The following RGS7 variants were observed in gnomAD, a reference collection of about 807,000 sequenced individuals.
RGS7 encodes the protein regulator of G protein signaling 7, also known as regulator of G-protein signaling 7.
Under a neutral mutation model 81.1 loss-of-function variants are expected in RGS7, and 27 were observed. The observed-to-expected ratio is 0.33, with a 90% CI of 0.25 to 0.46. RGS7 has a LOEUF of 0.46. Ranked by LOEUF, RGS7 falls within the 20% of genes least tolerant of loss-of-function variation. The probability of loss-of-function intolerance (pLI) is 1.00; values close to 1 mark genes in which losing one functional copy is unlikely to be tolerated. For synonymous variants in RGS7, 208 were observed against 207.7 expected, an observed-to-expected ratio of 1.00 and a Z score of -0.01; for missense variants, 396 against 607.4, an observed-to-expected ratio of 0.65 and a Z score of 3.66.
intron 6 of RGS7, among the ~76,000 whole-genome samples, chr1:240,876,570 T>C (rs1424259188): frequency 6.6e-6 from 1 of 152,160 alleles, no homozygotes; most frequent in Non-Finnish European, 1.5e-5. Flanking sequence ...TAATCCATTC[T>C]GGCAAAAGAA....
chr1:241,005,577 C>T (rs1389132058), intron 3 of RGS7, among the ~76,000 whole-genome samples: 1 of 152,108 alleles, frequency 6.6e-6, no homozygotes, highest in African/African-American at 2.4e-5. Context: ...ACACTGTCGC[C>T]CAGGCTGGAT....
intron 9 of RGS7, among the ~76,000 whole-genome samples, chr1:240,828,287 G>A (rs1693225455): frequency 6.6e-6 from 1 of 152,140 alleles, no homozygotes; most frequent in South Asian, 2.1e-4. Flanking sequence ...ATATTTGGAG[G>A]AGGAGAGGGG....
At chr1:241,122,734 T>C (rs535938192) in intron 2 of RGS7, among the ~76,000 whole-genome samples, 1 of 151,684 alleles carries the variant, frequency 6.6e-6, no homozygotes, top group South Asian at 2.1e-4. Flanking sequence ...ACCTTAACTG[T>C]GCTCAGAGCA....
intron 2 of RGS7, among the ~76,000 whole-genome samples, chr1:241,230,877 G>C (rs2075621530): frequency 6.6e-6 from 1 of 152,206 alleles, no homozygotes; most frequent in South Asian, 2.1e-4. Context: ...AAGAAGGAGA[G>C]AGCAAATTTG....
At chr1:241,083,729 T>C (rs572238154) in intron 3 of RGS7, among the ~76,000 whole-genome samples, 1 of 152,242 alleles carries the variant, frequency 6.6e-6, no homozygotes, top group Non-Finnish European at 1.5e-5. Context: ...TTGTACATTA[T>C]CTGTTTGTAT....
At chr1:241,064,074 G>A (rs367756534) in intron 3 of RGS7, among the ~76,000 whole-genome samples, 114 of 151,388 alleles carry the variant, frequency 7.5e-4, no homozygotes, top group African/African-American at 2.6e-3. Flanking sequence ...TCCCAGCTAC[G>A]AGGGAGGCTG....
intron 4 of RGS7, among the ~76,000 whole-genome samples, chr1:240,953,873 A>G (rs1422763976): frequency 6.6e-6 from 1 of 152,072 alleles, no homozygotes; most frequent in East Asian, 1.9e-4. Context: ...AACCGTGTGA[A>G]AAAGAAAGAA....
At chr1:240,782,872 ATG>A (rs375474283) in intron 18 of RGS7, among the ~76,000 whole-genome samples, 3 of 152,356 alleles carry the variant, frequency 2.0e-5, no homozygotes, top group South Asian at 4.1e-4. Flanking sequence ...ATGATTACAT[ATG>A]TGTTATGTGA....
chr1:240,799,320 A>T (rs1302516246), intron 18 of RGS7, among the ~76,000 whole-genome samples: 1 of 141,080 alleles, frequency 7.1e-6, no homozygotes, highest in Admixed American at 7.0e-5. Context: ...TGTGGATGGT[A>T]TTCAACTTCT....
At chr1:241,174,200 A>C (rs906642454) in intron 2 of RGS7, among the ~76,000 whole-genome samples, 2 of 152,240 alleles carry the variant, frequency 1.3e-5, no homozygotes, top group Non-Finnish European at 2.9e-5. Flanking sequence ...TAGCAGTTCT[A>C]GGACAAGACC....
chr1:241,240,627 T>A (rs2076217225), intron 2 of RGS7, among the ~76,000 whole-genome samples: 1 of 152,278 alleles, frequency 6.6e-6, no homozygotes. Context: ...GTGCATATAC[T>A]TCATCATATA....
intron 6 of RGS7, among the ~76,000 whole-genome samples, chr1:240,916,718 GGA>G (rs1444584265): frequency 6.6e-6 from 1 of 152,208 alleles, no homozygotes; most frequent in Non-Finnish European, 1.5e-5. Context: ...TGAAAGCCAA[GGA>G]GAGAGCCTCA....
intron 3 of RGS7, among the ~76,000 whole-genome samples, chr1:241,029,478 T>C (rs643713): frequency 0.26 from 39,276 of 152,168 alleles, 5,836 homozygotes; most frequent in Non-Finnish European, 0.34. Context: ...TTTCCACACA[T>C]CTGCTAAAGA....
intron 3 of RGS7, among the ~76,000 whole-genome samples, chr1:241,065,871 G>A (rs1012294681): frequency 2.0e-5 from 3 of 152,156 alleles, no homozygotes; most frequent in African/African-American, 7.2e-5. Context: ...GCTAATAATA[G>A]TATCTCGCAA....
rs58113561 is a variant in RGS7 at position 241,221,006 on chromosome 1, A to AAAGGAAGG, written c.79-122252_79-122245dup. 7.7e-4 allele frequency among the ~76,000 whole-genome samples: 65 copies of AAAGGAAGG among 84,640 alleles called. 1 individual carries two copies. The highest frequency in any genetic ancestry group is 2.0e-3 in the African/African-American group (49 of 25,008). 55.5% of individuals were successfully genotyped at this position (84,640 alleles called of 152,430 possible). On this transcript the variant is annotated intron_variant, in intron 2 of 18. Transcript: ENST00000440928. ...GGAAGGAAGGAAGGAAGAGAGAGAGAAAGGAAGGAAGGAAGGAAGGAAGGA... is the reference window on the plus strand; with the variant it reads ...GGAAGGAAGGAAGGAAGAGAGAGAGAAAGGAAGGAAGGAAGGAAGGAAGGAAGGAAGGA...
chr1:240,779,816 T>C (rs1346878559), intron 18 of RGS7, among the ~76,000 whole-genome samples: 1 of 152,176 alleles, frequency 6.6e-6, no homozygotes, highest in Non-Finnish European at 1.5e-5. Context: ...ATGGATCATT[T>C]TGTGCACTCA....
chr1:240,830,575 G>C (rs1693666066), intron 9 of RGS7, among the ~76,000 whole-genome samples: 1 of 152,194 alleles, frequency 6.6e-6, no homozygotes. Context: ...ATCCACAAAT[G>C]ACCGAGTCAT....
intron 2 of RGS7, among the ~76,000 whole-genome samples, chr1:241,300,514 C>A (rs1438468592): frequency 2.0e-5 from 3 of 152,210 alleles, no homozygotes; most frequent in Non-Finnish European, 4.4e-5. Flanking sequence ...GTTGGAATCA[C>A]ATAGTATGTA....
At chr1:240,804,103 G>A (rs1688445002) in intron 15 of RGS7, among the ~76,000 whole-genome samples, 1 of 152,068 alleles carries the variant, frequency 6.6e-6, no homozygotes, top group African/African-American at 2.4e-5. Context: ...ATTCTACCTT[G>A]CTCAAGAACT....
Sources: allele counts gnomAD v4.1 joint callset (sites outside exome capture counted in the v4.1 genomes callset), GRCh38; gene constraint gnomAD v4.1.1; transcripts MANE v1.5; gene names NCBI Gene and HGNC (gene_info 2026-07-23, HGNC 2026-07-21).